TRAPPC9: variants seen among roughly 807,000 people sequenced by gnomAD.
TRAPPC9 encodes trafficking protein particle complex subunit 9, also known as IKK2 binding protein.
TRAPPC9 carries 83 observed loss-of-function variants against 124.0 expected under a neutral mutation model. The ratio of observed to expected loss-of-function variants is 0.67; its 90% CI spans 0.56 to 0.80. The LOEUF (loss-of-function observed/expected upper bound fraction) is 0.80. TRAPPC9 is among the 30% of genes least tolerant of loss of function. The pLI, the probability that TRAPPC9 is intolerant of heterozygous loss-of-function variation, is 0.00. For synonymous variants in TRAPPC9, 638 were observed against 617.5 expected, an observed-to-expected ratio of 1.03 and a Z score of -0.49; for missense variants, 1,302 against 1,508.3, an observed-to-expected ratio of 0.86 and a Z score of 2.27.
At chr8:140,012,513 C>A (rs1478110147) in intron 18 of TRAPPC9, among the ~76,000 whole-genome samples, 1 of 152,200 alleles carries the variant, frequency 6.6e-6, no homozygotes, top group Admixed American at 6.5e-5. Flanking sequence ...GGAATCCTCC[C>A]GACAGCCCGA....
Position 140,457,655 on chromosome 8 carries a change from G to A in TRAPPC9, c.-27C>T. 1.0e-6 allele frequency: 1 copy of A among 986,448 alleles called. No homozygotes were observed. Among genetic ancestry groups the A allele is most frequent in the South Asian group, 4.7e-5 (1 of 21,492 alleles). 61.1% of individuals were successfully genotyped at this position (986,448 alleles called of 1,614,324 possible). On this transcript the variant is annotated 5_prime_UTR_variant, in exon 1 of 23. Coordinates refer to ENST00000438773, the MANE Select transcript of TRAPPC9 (RefSeq NM_001160372.4). ...TGCACTTACACAGCCGGTGGCCCCG[G>A]GCCCGGAGCGGGAGCCCACGACCTG...
intron 17 of TRAPPC9, among the ~76,000 whole-genome samples, chr8:140,059,544 C>A (rs1023261699): frequency 6.6e-6 from 1 of 152,176 alleles, no homozygotes; most frequent in Non-Finnish European, 1.5e-5. Flanking sequence ...AACAAAGTAG[C>A]CACACCATTG....
chr8:139,911,235 G>C (rs2131282350), intron 19 of TRAPPC9: 1 of 152,350 alleles, frequency 6.6e-6, no homozygotes, highest in East Asian at 1.9e-4. Flanking sequence ...TGTCATCCAT[G>C]TAAGACGTGA....
chr8:139,901,490 C>T (rs1831016838), intron 20 of TRAPPC9, among the ~76,000 whole-genome samples: 1 of 152,150 alleles, frequency 6.6e-6, no homozygotes. Flanking sequence ...CCCAACTGGA[C>T]AGAAGATGTC....
intron 17 of TRAPPC9, among the ~76,000 whole-genome samples, chr8:140,079,415 G>T (rs986487410): frequency 6.6e-6 from 1 of 151,976 alleles, no homozygotes; most frequent in Admixed American, 6.6e-5. Flanking sequence ...ACTTGATGAG[G>T]CCCCAGAGAA....
At chr8:139,891,751 G>A (rs140466812) in intron 20 of TRAPPC9, among the ~76,000 whole-genome samples, 11 of 152,220 alleles carry the variant, frequency 7.2e-5, no homozygotes, top group Non-Finnish European at 1.2e-4. Context: ...ACTTGTGGGG[G>A]TGGGCAGACC....
chr8:140,190,632 T>C (rs1253496240), intron 17 of TRAPPC9, among the ~76,000 whole-genome samples: 1 of 152,206 alleles, frequency 6.6e-6, no homozygotes, highest in Non-Finnish European at 1.5e-5. Flanking sequence ...GTGGTCATTG[T>C]GTTACACAAA....
At chr8:140,454,043 C>T (rs1035140447) in intron 1 of TRAPPC9, among the ~76,000 whole-genome samples, 19 of 152,192 alleles carry the variant, frequency 1.2e-4, no homozygotes, top group Admixed American at 6.6e-5. Flanking sequence ...AATCCCAACA[C>T]TTTGGGAGAC....
chr8:139,966,818 G>GTCATTTCGGTGCAACC (rs1331754669), intron 19 of TRAPPC9, among the ~76,000 whole-genome samples: 1 of 152,178 alleles, frequency 6.6e-6, no homozygotes, highest in African/African-American at 2.4e-5. Context: ...GTTTCAGATG[G>GTCATTTCGGTGCAACC]TCATTTCGGT....
intron 18 of TRAPPC9, among the ~76,000 whole-genome samples, chr8:140,012,254 G>A (rs185353554): frequency 6.6e-6 from 1 of 152,302 alleles, no homozygotes; most frequent in Admixed American, 6.5e-5. Context: ...GCCTGTTCAA[G>A]GCAGGAAGTA....
intron 9 of TRAPPC9, among the ~76,000 whole-genome samples, chr8:140,340,001 A>G (rs2067148713): frequency 6.6e-6 from 1 of 151,974 alleles, no homozygotes; most frequent in Non-Finnish European, 1.5e-5. Flanking sequence ...GTGCACCACC[A>G]CACGCAGCTA....
In TRAPPC9 at chr8:140,139,636, A is replaced by G. The variant is rs1024541202; in HGVS notation, c.2556+81823T>C. Among the ~76,000 whole-genome samples, 3 of 152,172 alleles carry G rather than the reference A, an allele frequency of 2.0e-5. No individual in the cohort carries two copies. The East Asian group carries it at 5.8e-4, about 29-fold the overall frequency. Reference sequence around the variant, plus strand: ...CTACTGCCACATACAAAAACATAACATTGAGGAAAAGCCAGATACAAAAAA... The same window carrying G: ...CTACTGCCACATACAAAAACATAACGTTGAGGAAAAGCCAGATACAAAAAA... On this transcript the variant is annotated intron_variant, in intron 17 of 22. Coordinates refer to ENST00000438773, the MANE Select transcript of TRAPPC9 (RefSeq NM_001160372.4).
At chr8:139,779,489 A>C (rs7834010) in intron 21 of TRAPPC9, among the ~76,000 whole-genome samples, 59,946 of 152,068 alleles carry the variant, frequency 0.39, 13,804 homozygotes, top group Non-Finnish European at 0.52. Flanking sequence ...ATCTCTTTAC[A>C]ATAATAATAA....
intron 17 of TRAPPC9, among the ~76,000 whole-genome samples, chr8:140,067,320 T>C (rs1422987218): frequency 6.6e-6 from 1 of 152,154 alleles, no homozygotes; most frequent in African/African-American, 2.4e-5. Flanking sequence ...ATTTTTTGTA[T>C]TTTTACTAGA....
intron 21 of TRAPPC9, among the ~76,000 whole-genome samples, chr8:139,822,853 T>C (rs1365219206): frequency 6.6e-6 from 1 of 152,214 alleles, no homozygotes; most frequent in Non-Finnish European, 1.5e-5. Context: ...GTCACCACTG[T>C]GGCTTAAACA....
At chr8:140,279,409 T>G (rs1308177940) in intron 14 of TRAPPC9, among the ~76,000 whole-genome samples, 1 of 152,232 alleles carries the variant, frequency 6.6e-6, no homozygotes, top group Non-Finnish European at 1.5e-5. Flanking sequence ...CATATTAGAT[T>G]AATAACAATC....
intron 19 of TRAPPC9, among the ~76,000 whole-genome samples, chr8:139,962,892 G>A (rs1835426804): frequency 1.6e-5 from 1 of 62,760 alleles, no homozygotes; most frequent in African/African-American, 3.4e-5. Flanking sequence ...GCCAAGGAGT[G>A]CAGGGGCCTC....
At chr8:140,331,513 A>T (rs1458634479) in intron 9 of TRAPPC9, among the ~76,000 whole-genome samples, 2 of 152,198 alleles carry the variant, frequency 1.3e-5, no homozygotes, top group Non-Finnish European at 2.9e-5. Flanking sequence ...CAGCAAAGGA[A>T]ACATCACAGT....
At chr8:140,121,039 T>C (rs1012044039) in intron 17 of TRAPPC9, among the ~76,000 whole-genome samples, 4 of 152,254 alleles carry the variant, frequency 2.6e-5, no homozygotes, top group African/African-American at 9.6e-5. Context: ...AGAGGTGAAA[T>C]TTTTTAAGGG....
Sources: allele counts gnomAD v4.1 joint callset (sites outside exome capture counted in the v4.1 genomes callset), GRCh38; gene constraint gnomAD v4.1.1; transcripts MANE v1.5; gene names NCBI Gene and HGNC (gene_info 2026-07-23, HGNC 2026-07-21).